The following ERC1 variants were observed in gnomAD, a reference collection of about 807,000 sequenced individuals.
The protein encoded by ERC1 is RAB6 interacting protein 2.
A neutral mutation model predicts 132.0 loss-of-function variants in ERC1; 56 were observed. The ratio of observed to expected loss-of-function variants is 0.42; its 90% CI spans 0.34 to 0.53. The LOEUF is 0.53. ERC1 is among the 20% of genes least tolerant of loss of function. The pLI, the probability that ERC1 is intolerant of heterozygous loss-of-function variation, is 0.03. For synonymous variants in ERC1, 478 were observed against 476.1 expected, an observed-to-expected ratio of 1.00 and a Z score of -0.05; for missense variants, 1,202 against 1,349.9, an observed-to-expected ratio of 0.89 and a Z score of 1.72.
chr12:1,291,280 C>T (rs530763086), intron 15 of ERC1, among the ~76,000 whole-genome samples: 26 of 151,854 alleles, frequency 1.7e-4, no homozygotes, highest in Non-Finnish European at 2.4e-4. Flanking sequence ...TAAGTGAAGC[C>T]GGAAGTGGAT....
At chr12:1,371,782 G>A in intron 15 of ERC1, 51 bp from the exon 16 acceptor site, 2 of 1,582,162 alleles carry the variant, frequency 1.3e-6, no homozygotes, top group Non-Finnish European at 1.7e-6. Context: ...TAACTCCAAA[G>A]AATTGTTGGA....
chr12:1,309,811 G>C (rs537400876), intron 15 of ERC1, among the ~76,000 whole-genome samples: 3 of 151,388 alleles, frequency 2.0e-5, no homozygotes, highest in Admixed American at 2.0e-4. Context: ...CTTTAAAATG[G>C]CCTTCACCAT....
At chr12:1,326,387 T>C (rs773684393) in intron 15 of ERC1, among the ~76,000 whole-genome samples, 4 of 152,184 alleles carry the variant, frequency 2.6e-5, no homozygotes, top group African/African-American at 9.6e-5. Context: ...GGGATAATCA[T>C]GAATCTACAG....
chr12:1,495,256 G>A lies in ERC1; in HGVS notation c.*5026G>A, dbSNP rs1274305590. On this transcript the variant is annotated 3_prime_UTR_variant, in exon 19 of 19. Coordinates refer to ENST00000360905, the MANE Select transcript of ERC1 (RefSeq NM_178040.4). ...AGCACGGGTGAGCACTGGCCAGCCT[G>A]GAGCCTGCAATCCAGGTGGAACAGA... 3 of 230,546 alleles carry A rather than the reference G, an allele frequency of 1.3e-5. No homozygotes were observed. The East Asian group carries it at 1.8e-4, about 14-fold the overall frequency. The allele number at this position is 230,546 out of a possible 1,614,324, so 14.3% of individuals were successfully genotyped here.
rs761106350 is a variant in ERC1, at chr12:1,115,876, T to C, written c.1412T>C (p.Val471Ala). The C allele has an allele frequency of 6.2e-7, 1 of 1,613,230 alleles. No individual in the cohort carries two copies. The highest frequency in any genetic ancestry group is 1.7e-5 in the Admixed American group (1 of 59,774). ...AAGLQAEIGQ[V>A]KQELSRKDTE... ...TTACTTCTTTTCTAGATTGGCCAGGTGAAACAGGAGCTGTCCAGAAAGGAC... is the reference window on the plus strand; with the variant it reads ...TTACTTCTTTTCTAGATTGGCCAGGCGAAACAGGAGCTGTCCAGAAAGGAC... The change falls in exon 7 of 19, where the codon GTG becomes GCG. Residue 471 changes from valine (V) to alanine (A), a missense_variant. Transcript: ENST00000360905.
chr12:1,035,522 C>T (rs1968889667), intron 2 of ERC1, among the ~76,000 whole-genome samples: 1 of 152,088 alleles, frequency 6.6e-6, no homozygotes, highest in Non-Finnish European at 1.5e-5. Context: ...ACAGGGAAGG[C>T]TTTTTCTTTT....
intron 13 of ERC1, among the ~76,000 whole-genome samples, chr12:1,252,627 G>A (rs1039199007): frequency 2.0e-5 from 3 of 152,092 alleles, no homozygotes; most frequent in African/African-American, 4.8e-5. Context: ...TTTTGACTTT[G>A]GTTTTTAACA....
At chr12:1,395,265 T>C (rs1201569674) in intron 16 of ERC1, among the ~76,000 whole-genome samples, 1 of 152,250 alleles carries the variant, frequency 6.6e-6, no homozygotes, top group Non-Finnish European at 1.5e-5. Context: ...CTCCTGGAAC[T>C]TAAGTTCATG....
In ERC1 at chr12:1,371,851, T is replaced by C; in HGVS notation, c.2799T>C (p.Ala933=). The change falls in exon 16 of 19, where the codon GCT becomes GCC. Residue 933 remains alanine, a synonymous_variant. Coordinates refer to ENST00000360905, the MANE Select transcript of ERC1 (RefSeq NM_178040.4). ...VLEMKQEALL[A]AISEKDANIA... is the part of the protein sequence containing the mutation. The stretch of plus-strand genomic sequence containing the variant: ...TTTGCAGGCAAGAAGCTCTTCTGGC[T>C]GCCATTAGTGAAAAAGACGCCAATA... 5 of 1,613,802 alleles carry C rather than the reference T, an allele frequency of 3.1e-6. No individual in the cohort carries two copies. The highest frequency in any genetic ancestry group is 4.2e-6 in the Non-Finnish European group (5 of 1,179,960).
intron 3 of ERC1, among the ~76,000 whole-genome samples, chr12:1,093,957 C>CTATATATATATATATATATA (rs202076174): frequency 0.049 from 3,361 of 68,376 alleles, 486 homozygotes; most frequent in Non-Finnish European, 0.072. Flanking sequence ...ATATATTTTT[C>CTATATATATATATATATATA]TATATATATA....
chr12:1,362,295 C>G (rs1284566044), intron 15 of ERC1, among the ~76,000 whole-genome samples: 1 of 152,168 alleles, frequency 6.6e-6, no homozygotes, highest in Non-Finnish European at 1.5e-5. Context: ...AGCAAAGTTG[C>G]CAGCATTCAC....
At chr12:1,318,154 G>A (rs1043391529) in intron 15 of ERC1, among the ~76,000 whole-genome samples, 3 of 152,100 alleles carry the variant, frequency 2.0e-5, no homozygotes, top group Non-Finnish European at 4.4e-5. Context: ...TGTAATTTGG[G>A]AGGATTTTTT....
intron 16 of ERC1, among the ~76,000 whole-genome samples, chr12:1,400,919 T>TTATTATTATTATTA (rs1566775077): frequency 6.0e-5 from 2 of 33,160 alleles, no homozygotes; most frequent in African/African-American, 4.5e-4. Context: ...TTTTTGTATT[T>TTATTATTATTATTA]TTTTTTTTTT....
chr12:1,137,006 A>C (rs1949306756), intron 7 of ERC1, among the ~76,000 whole-genome samples: 1 of 151,740 alleles, frequency 6.6e-6, no homozygotes, highest in Admixed American at 6.6e-5. Flanking sequence ...GTGATAACAG[A>C]TTATAATCTT....
chr12:1,076,053 A>G (rs566864085), intron 2 of ERC1, among the ~76,000 whole-genome samples: 1 of 152,350 alleles, frequency 6.6e-6, no homozygotes, highest in East Asian at 1.9e-4. Flanking sequence ...TATTGCATGT[A>G]AAATAAATGC....
chr12:1,206,116 T>G (rs1402973136), intron 12 of ERC1, among the ~76,000 whole-genome samples: 1 of 152,140 alleles, frequency 6.6e-6, no homozygotes, highest in African/African-American at 2.4e-5. Flanking sequence ...ATAGTCATTG[T>G]TTTTTCAGTG....
chr12:1,494,430 T>C lies in ERC1; in HGVS notation c.*4200T>C, dbSNP rs537630728. 4.3e-6 allele frequency: 1 copy of C among 232,100 alleles called. No homozygotes were observed. Among genetic ancestry groups the C allele is most frequent in the East Asian group, 6.1e-5 (1 of 16,406 alleles). The allele number at this position is 232,100 out of a possible 1,614,324, so 14.4% of individuals were successfully genotyped here. ...TACAGGGAAATCCTTCTGAACAAAA[T>C]GGCTGTCTTCACCTACTCTTCTTGC... On this transcript the variant is annotated 3_prime_UTR_variant, in exon 19 of 19. Transcript: ENST00000360905.
At chr12:1,370,528 G>C (rs941023035) in intron 15 of ERC1, among the ~76,000 whole-genome samples, 1 of 152,204 alleles carries the variant, frequency 6.6e-6, no homozygotes, top group African/African-American at 2.4e-5. Context: ...TGTCAGTAAT[G>C]CCTCAGATCA....
At chr12:1,242,057 G>A (rs1371891163) in intron 13 of ERC1, among the ~76,000 whole-genome samples, 3 of 151,558 alleles carry the variant, frequency 2.0e-5, no homozygotes, top group Non-Finnish European at 2.9e-5. Flanking sequence ...ATTTTGGCCA[G>A]GCTGGTCTGG....
Sources: allele counts gnomAD v4.1 joint callset (sites outside exome capture counted in the v4.1 genomes callset), GRCh38; gene constraint gnomAD v4.1.1; transcripts MANE v1.5; gene names NCBI Gene and HGNC (gene_info 2026-07-23, HGNC 2026-07-21).